The following CD163L1 variants were observed in gnomAD, a reference collection of about 807,000 sequenced individuals.
CD163L1 encodes the protein CD163 molecule like 1, also known as scavenger receptor cysteine-rich type 1 protein M160.
A neutral mutation model predicts 165.4 loss-of-function variants in CD163L1; 124 were observed. The ratio of observed to expected loss-of-function variants is 0.75; its 90% confidence interval spans 0.65 to 0.87. The LOEUF (loss-of-function observed/expected upper bound fraction) is 0.87. Ranked by LOEUF, CD163L1 falls within the 40% of genes least tolerant of loss-of-function variation. The pLI is 0.00. For missense variants in CD163L1, 1,525 were observed against 1,799.9 expected, an observed-to-expected ratio of 0.85 and a Z score of 2.76; for synonymous variants, 585 against 662.2, an observed-to-expected ratio of 0.88 and a Z score of 1.79.
At chr12:7,434,653 GAAGAAAAAGATGAAAAAAGAGA>G (rs1948690977) in intron 2 of CD163L1, among the ~76,000 whole-genome samples, 1 of 151,414 alleles carries the variant, frequency 6.6e-6, no homozygotes. Context: ...CAATAAGGAG[GAAGAAAAAGATGAAAAAAGAGA>G]AAGAAAAAGA....
chr12:7,321,639 T>A, the CD163L1 span, among the ~76,000 whole-genome samples: 1 of 152,262 alleles, frequency 6.6e-6, no homozygotes, highest in East Asian at 1.9e-4. Context: ...ATTTGTATTC[T>A]ACCCACACCC....
rs550890373 is a variant in CD163L1 at position 7,348,368 on chromosome 12, AT to A, written c.*25-1222del. On this transcript the variant is annotated intron_variant, in intron 4 of 4. Transcript: ENST00000539726. The stretch of plus-strand genomic sequence containing the variant: ...ACAGACCTAGCTAAAAATCTTATTG[AT>A]TGTAAGAAGAGAATGGAATATGGTT... Among the ~76,000 whole-genome samples the A allele has an allele frequency of 1.1e-4, 16 of 152,246 alleles. 1 individual carries two copies. Among genetic ancestry groups the A allele is most frequent in the Admixed American group, 2.0e-4 (3 of 15,290 alleles).
At chr12:7,424,512 A>T (rs1467669131) in intron 4 of CD163L1, among the ~76,000 whole-genome samples, 2 of 152,264 alleles carry the variant, frequency 1.3e-5, no homozygotes, top group East Asian at 3.9e-4. Flanking sequence ...GAAAGAAATA[A>T]AGGGTATTCA....
chr12:7,439,863 C>A, intron 2 of CD163L1: 1 of 1,611,518 alleles, frequency 6.2e-7, no homozygotes, highest in Non-Finnish European at 8.5e-7. Flanking sequence ...CCGCTCCTCT[C>A]GCGGCTGCGT....
intron 8 of CD163L1, among the ~76,000 whole-genome samples, chr12:7,380,186 C>T (rs978699522): frequency 1.3e-5 from 2 of 151,966 alleles, no homozygotes; most frequent in African/African-American, 2.4e-5. Context: ...TACTTGCACA[C>T]GCATGTTTAT....
chr12:7,444,089 A>C lies in CD163L1; in HGVS notation c.31+8T>G. On this transcript the variant is annotated splice_region_variant and intron_variant, in intron 1 of 19. Coordinates refer to ENST00000313599, the MANE Select transcript of CD163L1 (RefSeq NM_174941.6). The stretch of plus-strand genomic sequence containing the variant: ...AAATGGCAGAGCAAAATAAAAGCAA[A>C]ACCTTACCAATATGCCACGAGTTTT... 6.2e-7 allele frequency: 1 copy of C among 1,613,728 alleles called. No individual in the cohort carries two copies. Among genetic ancestry groups the C allele is most frequent in the South Asian group, 1.1e-5 (1 of 91,040 alleles).
chr12:7,405,289 T>A (rs1947995193), intron 5 of CD163L1, among the ~76,000 whole-genome samples: 2 of 152,062 alleles, frequency 1.3e-5, no homozygotes, highest in African/African-American at 4.8e-5. Context: ...TCCTTCCCCC[T>A]TCTCTCATCT....
At chr12:7,319,857 C>T in the CD163L1 span, among the ~76,000 whole-genome samples, 1 of 152,156 alleles carries the variant, frequency 6.6e-6, no homozygotes, top group African/African-American at 2.4e-5. Context: ...AATAAGAATA[C>T]TTTTATTTTA....
chr12:7,407,924 C>T (rs1565801335), intron 4 of CD163L1, among the ~76,000 whole-genome samples: 1 of 151,936 alleles, frequency 6.6e-6, no homozygotes, highest in African/African-American at 2.4e-5. Flanking sequence ...CTTAGTTGGC[C>T]TTCTAATCTG....
intron 4 of CD163L1, among the ~76,000 whole-genome samples, chr12:7,409,578 C>T (rs1948093016): frequency 6.6e-6 from 1 of 152,140 alleles, no homozygotes; most frequent in African/African-American, 2.4e-5. Flanking sequence ...GGAGGTGGAG[C>T]TCTATCAGTA....
chr12:7,432,464 C>T lies in CD163L1; in HGVS notation c.718G>A (p.Gly240Arg). 6.2e-7 allele frequency: 1 copy of T among 1,614,044 alleles called. No homozygotes were observed. Among genetic ancestry groups the T allele is most frequent in the Non-Finnish European group, 8.5e-7 (1 of 1,179,976 alleles). Residue 240 changes from glycine to arginine, a missense_variant, in exon 4 of 20, where the codon GGA becomes AGA. Transcript: ENST00000313599. The surrounding 1 kb of genome is among the most constrained non-coding windows in gnomAD (Gnocchi z 4.2). ...ALWNCRHRGW[G>R]NHDCSHNEDV... The stretch of plus-strand genomic sequence containing the variant: ...TCATTGTGACTGCAGTCATGATTTC[C>T]CCATCCACGATGTCTGCAATTCCAG...
Position 7,412,819 on chromosome 12 carries a change from G to A in CD163L1, c.767-5967C>T, listed in dbSNP as rs867618870. Among the ~76,000 whole-genome samples, 46 of 152,112 alleles carry A rather than the reference G, an allele frequency of 3.0e-4. No homozygotes were observed. In the Middle Eastern group the frequency reaches 0.017, roughly 56 times the overall value. ...ACATAAGAAGTCCAAGCACCTGGCC[G>A]GGCGCAGTGGCTCACACCTGTAATC... On this transcript the variant is annotated intron_variant, in intron 4 of 19. Coordinates refer to ENST00000313599, the MANE Select transcript of CD163L1 (RefSeq NM_174941.6).
chr12:7,343,502 G>A (rs1362037494), downstream of CD163L1, among the ~76,000 whole-genome samples: 1 of 152,112 alleles, frequency 6.6e-6, no homozygotes, highest in East Asian at 1.9e-4. Flanking sequence ...TGAGGCCTCA[G>A]GAAGCTTATA....
the CD163L1 span, among the ~76,000 whole-genome samples, chr12:7,324,107 G>C: frequency 6.6e-6 from 1 of 152,008 alleles, no homozygotes; most frequent in Non-Finnish European, 1.5e-5. Context: ...GAGCCCAGGA[G>C]GTCGAGGCTG....
rs191120340 is a variant in CD163L1, at chr12:7,398,982, G to A, written c.1409-398C>T. ...CACCAAAGCTTATCCCCTCATAGTC[G>A]TCATTTTAGTTTGTCCACTCATGTT... is the stretch of plus-strand genomic sequence containing the variant. On this transcript the variant is annotated intron_variant, in intron 6 of 19. Coordinates refer to ENST00000313599, the MANE Select transcript of CD163L1 (RefSeq NM_174941.6). The surrounding 1 kb of genome is among the most constrained non-coding windows in gnomAD (Gnocchi z 4.5). Among the ~76,000 whole-genome samples, 4 of 152,222 alleles carry A rather than the reference G, an allele frequency of 2.6e-5. No homozygotes were observed. Among genetic ancestry groups the A allele is most frequent in the Admixed American group, 6.5e-5 (1 of 15,290 alleles).
the CD163L1 span, among the ~76,000 whole-genome samples, chr12:7,338,061 A>G: frequency 3.9e-5 from 6 of 152,198 alleles, no homozygotes; most frequent in African/African-American, 1.4e-4. Flanking sequence ...GAACTAACAC[A>G]GGAACAGAAA....
At chr12:7,391,459 G>A (rs902167337) in intron 8 of CD163L1, among the ~76,000 whole-genome samples, 2 of 152,076 alleles carry the variant, frequency 1.3e-5, no homozygotes, top group East Asian at 3.9e-4. Context: ...TGGCAAGAAA[G>A]CTTAAAAACC....
intron 18 of CD163L1, among the ~76,000 whole-genome samples, chr12:7,359,656 T>A (rs1198163699): frequency 3.3e-5 from 5 of 152,098 alleles, no homozygotes; most frequent in Admixed American, 2.6e-4. Flanking sequence ...GAAGCTCTGA[T>A]CTACGAAAAG....
intron 1 of CD163L1, 93 bp from the exon 2 acceptor site, chr12:7,441,339 G>A: frequency 1.1e-6 from 1 of 879,054 alleles, no homozygotes. Flanking sequence ...AAAATAGAAG[G>A]AGTAAGATGA....
Sources: gnomAD v4.1 joint callset for allele counts (sites outside exome capture counted in the v4.1 genomes callset) on GRCh38, gnomAD v4.1.1 for gene constraint, Gnocchi (gnomAD v3.1) non-coding constraint, MANE v1.5 for transcripts, NCBI Gene and HGNC (gene_info 2026-07-23, HGNC 2026-07-21) for gene names.